Variants in CTNND2 observed in about 807,000 individuals in gnomAD.
CTNND2 encodes catenin delta 2.
Under a neutral mutation model 144.4 loss-of-function variants are expected in CTNND2, and 22 were observed. That is an observed-to-expected ratio of 0.15 (90% CI 0.11 to 0.22). The LOEUF is 0.22. Among genes scored for constraint, CTNND2 ranks in the 10% least tolerant of loss-of-function variants. The pLI is 1.00. For synonymous variants in CTNND2, 751 were observed against 695.6 expected (o/e 1.08, Z -1.25); for missense variants, 1,353 against 1,618.8 (o/e 0.84, Z 2.82).
At chr5:11,523,463 A>G (rs114509681) in intron 3 of CTNND2, among the ~76,000 whole-genome samples, 1,741 of 152,284 alleles carry the variant, frequency 0.011, 13 homozygotes, top group Non-Finnish European at 0.017. Flanking sequence ...GAAGCCTCCA[A>G]TGACATCTTT....
intron 2 of CTNND2, among the ~76,000 whole-genome samples, chr5:11,570,225 C>T (rs1001842854): frequency 1.3e-5 from 2 of 152,116 alleles, no homozygotes; most frequent in African/African-American, 4.8e-5. Context: ...AGTTTTTGAC[C>T]TGCTCCAATC....
chr5:11,839,613 G>A (rs891357746), intron 1 of CTNND2, among the ~76,000 whole-genome samples: 1 of 152,108 alleles, frequency 6.6e-6, no homozygotes, highest in Non-Finnish European at 1.5e-5. Context: ...CAAACAGCTG[G>A]GAGCTGAAAC....
intron 9 of CTNND2, among the ~76,000 whole-genome samples, chr5:11,310,567 C>T (rs969086971): frequency 1.3e-5 from 2 of 151,920 alleles, no homozygotes; most frequent in Admixed American, 1.3e-4. Flanking sequence ...ATTCATAACA[C>T]CTGGGGAGTT....
chr5:11,523,760 C>A (rs563354521), intron 3 of CTNND2, among the ~76,000 whole-genome samples: 14 of 152,156 alleles, frequency 9.2e-5, no homozygotes, highest in Admixed American at 6.5e-5. Flanking sequence ...GCCTCCTCTT[C>A]CCTTATCGAA....
chr5:11,616,426 T>C (rs536211618), intron 2 of CTNND2, among the ~76,000 whole-genome samples: 1 of 152,214 alleles, frequency 6.6e-6, no homozygotes, highest in Admixed American at 6.5e-5. Flanking sequence ...ACATCTGCAG[T>C]ATCTGATGGT....
intron 3 of CTNND2, among the ~76,000 whole-genome samples, chr5:11,558,890 G>A (rs973923351): frequency 1.3e-5 from 2 of 152,070 alleles, no homozygotes; most frequent in Non-Finnish European, 1.5e-5. Context: ...GCAAGTGGTC[G>A]TGTAGACTAA....
chr5:11,397,193 C>T lies in CTNND2; in HGVS notation c.450G>A (p.Leu150=). 1 of 1,613,986 alleles carries T rather than the reference C, an allele frequency of 6.2e-7. No homozygotes were observed. The highest frequency in any genetic ancestry group is 1.3e-5 in the African/African-American group (1 of 75,064). The change falls in exon 6 of 22, where the codon CTG becomes CTA. Residue 150 remains leucine (L), a synonymous_variant. Coordinates refer to ENST00000304623, the MANE Select transcript of CTNND2 (RefSeq NM_001332.4). The part of the protein sequence containing the change: ...QDYSTGERPS[L]LSQSALQLNS... ...TGAGCTGAAGTGCACTCTGGGAGAG[C>T]AGGCTGGGCCCTGCATTGAAAGTCA...
chr5:11,770,091 G>T (rs1462730447), intron 1 of CTNND2, among the ~76,000 whole-genome samples: 2 of 152,166 alleles, frequency 1.3e-5, no homozygotes, highest in African/African-American at 2.4e-5. Context: ...CATGGGCTAA[G>T]TTGTGAAGAG....
chr5:11,168,097 G>T (rs912452616), intron 11 of CTNND2, among the ~76,000 whole-genome samples: 1 of 151,960 alleles, frequency 6.6e-6, no homozygotes, highest in African/African-American at 2.4e-5. Flanking sequence ...TAATATTACA[G>T]ACAAAAGACT....
Position 11,657,767 on chromosome 5 carries a change from A to T in CTNND2, c.174+74369T>A, listed in dbSNP as rs116573673. On this transcript the variant is annotated intron_variant, in intron 2 of 21. Coordinates refer to ENST00000304623, the MANE Select transcript of CTNND2 (RefSeq NM_001332.4). ...TTTTGATAAACCTATTGTGCATAAAACTCAAATACCTTTAAACTTAACCCC... is the reference window on the plus strand; with the variant it reads ...TTTTGATAAACCTATTGTGCATAAATCTCAAATACCTTTAAACTTAACCCC... Among the ~76,000 whole-genome samples the T allele has an allele frequency of 4.2e-3, 642 of 152,248 alleles. 5 individuals are homozygous for T. Among genetic ancestry groups the T allele is most frequent in the African/African-American group, 0.015 (611 of 41,556 alleles).
chr5:11,363,541 C>T (rs555648539), intron 8 of CTNND2, among the ~76,000 whole-genome samples: 8 of 152,244 alleles, frequency 5.3e-5, no homozygotes, highest in Admixed American at 3.9e-4. Context: ...AACAAATAGG[C>T]ATTCTTTATC....
At chr5:10,983,429 A>C (rs1737547897) in intron 20 of CTNND2, among the ~76,000 whole-genome samples, 1 of 152,190 alleles carries the variant, frequency 6.6e-6, no homozygotes, top group East Asian at 1.9e-4. Context: ...CCTATAGGCC[A>C]CAAGAGAAAG....
At chr5:11,714,631 G>A (rs762946271) in intron 2 of CTNND2, among the ~76,000 whole-genome samples, 17 of 152,204 alleles carry the variant, frequency 1.1e-4, no homozygotes, top group Non-Finnish European at 2.1e-4. Flanking sequence ...AGGGGGCCTG[G>A]CGCAGTGGTT....
chr5:11,609,981 T>C (rs2126374904), intron 2 of CTNND2, among the ~76,000 whole-genome samples: 1 of 152,324 alleles, frequency 6.6e-6, no homozygotes, highest in South Asian at 2.1e-4. Flanking sequence ...AGAAATTTAG[T>C]CTTGATTTAT....
chr5:11,136,984 T>C (rs1361321258), intron 12 of CTNND2, among the ~76,000 whole-genome samples: 2 of 152,222 alleles, frequency 1.3e-5, no homozygotes, highest in African/African-American at 4.8e-5. Flanking sequence ...CCACTGATGT[T>C]ACCTGCTTAC....
At position 11,769,069 on chromosome 5, in the gene CTNND2, C is replaced by T. The variant is rs370251896; in HGVS notation, c.38-36797G>A. ...TGGTTCTCAAACTTCAATATGCATC[C>T]GAATCTCCTGGGGACCTTGTTAAAA... On this transcript the variant is annotated intron_variant, in intron 1 of 21. Coordinates refer to ENST00000304623, the MANE Select transcript of CTNND2 (RefSeq NM_001332.4). 1.1e-4 allele frequency among the ~76,000 whole-genome samples: 16 copies of T among 152,254 alleles called. No individual in the cohort carries two copies. The South Asian group carries it at 2.1e-3, about 20-fold the overall frequency.
At chr5:11,830,008 G>C (rs1793811308) in intron 1 of CTNND2, among the ~76,000 whole-genome samples, 1 of 152,226 alleles carries the variant, frequency 6.6e-6, no homozygotes, top group Non-Finnish European at 1.5e-5. Context: ...TTTAACATTT[G>C]ACTGCCCTGC....
chr5:11,225,689 CT>C (rs1740258604), intron 10 of CTNND2, among the ~76,000 whole-genome samples: 1 of 152,140 alleles, frequency 6.6e-6, no homozygotes, highest in African/African-American at 2.4e-5. Context: ...GGGATATTAC[CT>C]GTCTGATCTC....
intron 2 of CTNND2, among the ~76,000 whole-genome samples, chr5:11,691,778 T>C (rs943569705): frequency 6.6e-6 from 1 of 152,066 alleles, no homozygotes. Flanking sequence ...CACATGTAGA[T>C]ATATGGCAGT....
Sources: allele counts gnomAD v4.1 joint callset (sites outside exome capture counted in the v4.1 genomes callset), GRCh38; gene constraint gnomAD v4.1.1; transcripts MANE v1.5; gene names NCBI Gene and HGNC (gene_info 2026-07-23, HGNC 2026-07-21).